The following GABRA5 variants were observed in gnomAD, a reference collection of about 807,000 sequenced individuals.
GABRA5 encodes the protein gamma-aminobutyric acid type A receptor subunit alpha5, also known as gamma-aminobutyric acid receptor subunit alpha-5.
GABRA5 carries 18 observed loss-of-function variants against 47.3 expected under a neutral mutation model. The ratio of observed to expected loss-of-function variants is 0.38; its 90% CI spans 0.26 to 0.56. The LOEUF (loss-of-function observed/expected upper bound fraction) is 0.56, where lower values mean the gene tolerates loss of function less well. GABRA5 is among the 20% of genes least tolerant of loss of function. The pLI is 0.71. For missense variants in GABRA5, 365 were observed against 599.3 expected (o/e 0.61, Z 4.08); for synonymous variants, 237 against 229.3 (o/e 1.03, Z -0.30).
chr15:26,945,646 C>G (rs1894492668), intron 10 of GABRA5, among the ~76,000 whole-genome samples: 1 of 152,320 alleles, frequency 6.6e-6, no homozygotes, highest in Admixed American at 6.5e-5. Context: ...GGGCCTGACT[C>G]TGGCCAGACA....
chr15:26,921,305 C>G (rs1893837125), intron 7 of GABRA5, among the ~76,000 whole-genome samples: 1 of 152,112 alleles, frequency 6.6e-6, no homozygotes, highest in East Asian at 1.9e-4. Context: ...GTATTTAAGA[C>G]TATTTGAATT....
chr15:26,940,536 G>A lies in GABRA5; in HGVS notation c.877+459G>A, dbSNP rs550548056. Reference sequence around the variant, plus strand: ...GAGCATTTTCTTTGAGCATTACGTCGGTGCCCAAAAAGTTTTGGATTCTGT... The same window carrying A: ...GAGCATTTTCTTTGAGCATTACGTCAGTGCCCAAAAAGTTTTGGATTCTGT... On this transcript the variant is annotated intron_variant, in intron 9 of 10. Transcript: ENST00000335625. Among the ~76,000 whole-genome samples, 4 of 147,894 alleles carry A rather than the reference G, an allele frequency of 2.7e-5. 1 individual carries two copies. Among genetic ancestry groups the A allele is most frequent in the Middle Eastern group, 3.4e-3 (1 of 294 alleles).
At chr15:26,899,115 G>T (rs187924445) in intron 6 of GABRA5, among the ~76,000 whole-genome samples, 1 of 152,212 alleles carries the variant, frequency 6.6e-6, no homozygotes, top group Admixed American at 6.5e-5. Context: ...CTCCTGCCTT[G>T]GCTTCTTAAA....
At chr15:26,933,071 G>T (rs2140570885) in intron 7 of GABRA5, among the ~76,000 whole-genome samples, 1 of 150,750 alleles carries the variant, frequency 6.6e-6, no homozygotes, top group African/African-American at 2.4e-5. Flanking sequence ...TAACAAACAG[G>T]CACATCCTGC....
chr15:26,943,919 C>A (rs1005217610), intron 10 of GABRA5, among the ~76,000 whole-genome samples: 1 of 152,074 alleles, frequency 6.6e-6, no homozygotes, highest in Non-Finnish European at 1.5e-5. Context: ...AGCAAAGAAC[C>A]ACCAAGTATT....
chr15:26,876,165 T>G (rs1335290556), intron 3 of GABRA5, among the ~76,000 whole-genome samples: 1 of 152,100 alleles, frequency 6.6e-6, no homozygotes, highest in African/African-American at 2.4e-5. Context: ...GGGAAGAGGT[T>G]TGGGTACAGA....
chr15:26,921,693 G>T (rs1555392430), intron 7 of GABRA5, among the ~76,000 whole-genome samples: 1 of 151,936 alleles, frequency 6.6e-6, no homozygotes, highest in Non-Finnish European at 1.5e-5. Flanking sequence ...TTAGGTTATT[G>T]ATTTGAGACT....
intron 7 of GABRA5, among the ~76,000 whole-genome samples, chr15:26,919,054 G>C (rs1893780933): frequency 6.6e-6 from 1 of 152,048 alleles, no homozygotes; most frequent in Non-Finnish European, 1.5e-5. Flanking sequence ...GAGGCAGAAG[G>C]ATCACCTGAA....
Position 26,883,598 on chromosome 15 carries a change from C to A in GABRA5, c.497+41C>A. The A allele has an allele frequency of 1.4e-6, 2 of 1,412,730 alleles. No homozygotes were observed. The highest frequency in any genetic ancestry group is 1.3e-5 in the South Asian group (1 of 77,522). The allele number at this position is 1,412,730 out of a possible 1,614,324, so 87.5% of individuals were successfully genotyped here. A position where few individuals can be genotyped will look rare whatever the true frequency, so the allele number is the denominator to read the frequency against. ...GGGCGGGCGGGGCCGGGGGACGGTG[C>A]GGGGCAGGCGCGGCTGCCCATCCTG... On this transcript the variant is annotated intron_variant, in intron 6 of 10. Coordinates refer to ENST00000335625, the MANE Select transcript of GABRA5 (RefSeq NM_000810.4). This position sits in a 1 kb window ranked among gnomAD's most constrained non-coding sequence, Gnocchi z 4.8.
At chr15:26,938,085 G>C (rs979628254) in intron 8 of GABRA5, among the ~76,000 whole-genome samples, 3 of 152,206 alleles carry the variant, frequency 2.0e-5, no homozygotes, top group African/African-American at 7.2e-5. Context: ...TATTTTCAGG[G>C]GAACGCTCTG....
intron 10 of GABRA5, among the ~76,000 whole-genome samples, chr15:26,943,689 G>A (rs760542256): frequency 6.6e-6 from 1 of 152,144 alleles, no homozygotes; most frequent in African/African-American, 2.4e-5. Context: ...CATCTTGAGG[G>A]ACGACTTGTC....
At chr15:26,938,332 A>G (rs1461740975) in intron 8 of GABRA5, among the ~76,000 whole-genome samples, 1 of 152,214 alleles carries the variant, frequency 6.6e-6, no homozygotes, top group Non-Finnish European at 1.5e-5. Flanking sequence ...ACCAGTGGAA[A>G]GTAGTGCAGC....
rs1566866354 is a variant in GABRA5, at chr15:26,883,570, C to T, written c.497+13C>T. 50 of 503,442 alleles carry T rather than the reference C, an allele frequency of 9.9e-5. No individual in the cohort carries two copies. In the East Asian group the frequency reaches 1.1e-3, roughly 11 times the overall value. The allele number at this position is 503,442 out of a possible 1,614,324, so 31.2% of individuals were successfully genotyped here. Reference sequence around the variant, plus strand: ...TCTACACCATGCGGTGAGCGCCGGGCGGGGGCGGGCGGGGCCGGGGGACGG... The same window carrying T: ...TCTACACCATGCGGTGAGCGCCGGGTGGGGGCGGGCGGGGCCGGGGGACGG... On this transcript the variant is annotated intron_variant, in intron 6 of 10. Transcript: ENST00000335625. This position sits in a 1 kb window ranked among gnomAD's most constrained non-coding sequence, Gnocchi z 4.8.
At chr15:26,881,212 A>G (rs527338505) in intron 4 of GABRA5, among the ~76,000 whole-genome samples, 66 of 152,304 alleles carry the variant, frequency 4.3e-4, no homozygotes, top group South Asian at 1.0e-3. Flanking sequence ...AGCTGGGGGA[A>G]GTGGTCTTCC....
chr15:26,945,085 G>A (rs1171564891), intron 10 of GABRA5, among the ~76,000 whole-genome samples: 1 of 152,204 alleles, frequency 6.6e-6, no homozygotes, highest in Non-Finnish European at 1.5e-5. Context: ...TGTCTAATCC[G>A]AGGAGAGAAA....
intron 7 of GABRA5, among the ~76,000 whole-genome samples, chr15:26,920,534 G>T (rs926179312): frequency 6.6e-6 from 1 of 151,934 alleles, no homozygotes; most frequent in Non-Finnish European, 1.5e-5. Flanking sequence ...CTCTATGATG[G>T]TTATTTTGAA....
In GABRA5 at chr15:26,883,075, G is replaced by A; in HGVS notation, c.209-91G>A. The A allele has an allele frequency of 9.7e-7, 1 of 1,027,000 alleles. No individual in the cohort carries two copies. Among genetic ancestry groups the A allele is most frequent in the South Asian group, 1.3e-5 (1 of 78,836 alleles). 63.6% of individuals were successfully genotyped at this position (1,027,000 alleles called of 1,614,324 possible). A position where few individuals can be genotyped will look rare whatever the true frequency, so the allele number is the denominator to read the frequency against. ...ACTGCAAAAGCCCCCGGTTGCAGAG[G>A]GTGACCCTGGTTACTGGACTGAGAG... On this transcript the variant is annotated intron_variant, in intron 4 of 10. Coordinates refer to ENST00000335625, the MANE Select transcript of GABRA5 (RefSeq NM_000810.4). This position sits in a 1 kb window ranked among gnomAD's most constrained non-coding sequence, Gnocchi z 4.8.
At chr15:26,937,072 T>A in intron 7 of GABRA5, 113 bp from the exon 8 acceptor site, 1 of 1,351,086 alleles carries the variant, frequency 7.4e-7, no homozygotes, top group South Asian at 1.2e-5. Context: ...CATGGAACCT[T>A]GACTTTTCAA....
At chr15:26,916,368 A>G (rs1234445849) in intron 7 of GABRA5, among the ~76,000 whole-genome samples, 1 of 152,164 alleles carries the variant, frequency 6.6e-6, no homozygotes, top group Non-Finnish European at 1.5e-5. Flanking sequence ...CACTCTTGTC[A>G]AAGATCAGTT....
Sources: allele counts gnomAD v4.1 joint callset (sites outside exome capture counted in the v4.1 genomes callset), GRCh38; gene constraint gnomAD v4.1.1; non-coding constraint Gnocchi (gnomAD v3.1); transcripts MANE v1.5; gene names NCBI Gene and HGNC (gene_info 2026-07-23, HGNC 2026-07-21).